The following COMMD5 variants were observed in gnomAD, a reference collection of about 807,000 sequenced individuals.
COMMD5 encodes the protein COMM domain containing 5.
In COMMD5, 10 loss-of-function variants were observed where a neutral mutation model predicts 6.9. That is an observed-to-expected ratio of 1.44 (90% CI 0.89 to 2.45). The LOEUF is 2.45. Ranked by LOEUF, COMMD5 falls within the 30% of genes most tolerant of loss-of-function variation. The probability of loss-of-function intolerance (pLI) is 0.00; values close to 1 mark genes in which losing one functional copy is unlikely to be tolerated. For missense variants in COMMD5, 234 were observed against 287.8 expected (o/e 0.81, Z 1.35); for synonymous variants, 127 against 125.3 (o/e 1.01, Z -0.09).
Position 144,851,198 on chromosome 8 carries a change from C to T in COMMD5, c.141G>A (p.Thr47=), listed in dbSNP as rs199767267. 59 of 1,613,902 alleles carry T rather than the reference C, an allele frequency of 3.7e-5. 1 individual carries two copies. The highest frequency in any genetic ancestry group is 3.5e-4 in the Admixed American group (21 of 60,032). Residue 47 remains threonine (T), a synonymous_variant, in exon 2 of 2, where the codon ACG becomes ACA. Coordinates refer to ENST00000305103, the MANE Select transcript of COMMD5 (RefSeq NM_014066.4). Reference sequence around the variant, plus strand: ...CCACAAACTTCAGCAACTTTCTGAACGTGCTCCTGTCTAGGTCCCCTAGTA... The same window carrying T: ...CCACAAACTTCAGCAACTTTCTGAATGTGCTCCTGTCTAGGTCCCCTAGTA... ...ARLLGDLDRS[T]FRKLLKFVVS...
intron 1 of COMMD5, chr8:144,841,904 A>C (rs1563841848): frequency 6.2e-7 from 1 of 1,614,036 alleles, no homozygotes; most frequent in Non-Finnish European, 8.5e-7. Flanking sequence ...TCGCAGCTTA[A>C]TCAGCATCAG....
At chr8:144,842,576 TC>T in intron 1 of COMMD5, 1 of 1,614,176 alleles carries the variant, frequency 6.2e-7, no homozygotes, top group Non-Finnish European at 8.5e-7. Context: ...CATCAGCGAA[TC>T]CACACTGGAG....
chr8:144,851,417 A>G, intron 1 of COMMD5, 22 bp from the exon 2 acceptor site: 1 of 1,475,504 alleles, frequency 6.8e-7, no homozygotes, highest in South Asian at 1.3e-5. Flanking sequence ...TGGAGGAGAG[A>G]AGACCAGTGA....
chr8:144,846,792 G>A (rs1830534083), downstream of COMMD5: 1 of 152,232 alleles, frequency 6.6e-6, no homozygotes, highest in African/African-American at 2.4e-5. Flanking sequence ...TCCGCCACCT[G>A]GGTTCACGCC....
chr8:144,848,163 T>C (rs1830596438), downstream of COMMD5, among the ~76,000 whole-genome samples: 1 of 150,914 alleles, frequency 6.6e-6, no homozygotes. Context: ...CTGGGCAACG[T>C]GGCAAAACCC....
exon 2 of COMMD5, chr8:144,841,284 C>T (rs1354113957): frequency 2.7e-5 from 40 of 1,476,920 alleles, no homozygotes; most frequent in Non-Finnish European, 3.4e-5. Flanking sequence ...AGCCCTGGCC[C>T]CCGCATTTGT....
downstream of COMMD5, chr8:144,838,964 C>CGCCT (rs1829467358): frequency 4.2e-5 from 6 of 143,048 alleles, no homozygotes; most frequent in African/African-American, 7.9e-5. Context: ...AAAAAAAAAG[C>CGCCT]AGGGGCTGTG....
rs1419587579 is a variant in COMMD5, at chr8:144,842,004, C to A, written c.*117-261G>T. On this transcript the variant is annotated intron_variant and NMD_transcript_variant, in intron 1 of 1. Transcript: ENST00000530332. Reference sequence around the variant, plus strand: ...CAAAACTTATTCAGCATCAAAGAATCCACACTGGGGAGAAGCCCTACAGAT... The same window carrying A: ...CAAAACTTATTCAGCATCAAAGAATACACACTGGGGAGAAGCCCTACAGAT... 3 of 1,614,174 alleles carry A rather than the reference C, an allele frequency of 1.9e-6. No individual in the cohort carries two copies. In the South Asian group the frequency reaches 3.3e-5, roughly 18 times the overall value.
At chr8:144,839,920 G>A (rs1829644283), downstream of COMMD5, among the ~76,000 whole-genome samples, 1 of 152,170 alleles carries the variant, frequency 6.6e-6, no homozygotes, top group Non-Finnish European at 1.5e-5. Context: ...GCTTGGCCCT[G>A]CTCTCTCTGC....
chr8:144,845,836 T>G, downstream of COMMD5: 1 of 764,454 alleles, frequency 1.3e-6, no homozygotes, highest in Non-Finnish European at 2.1e-6. Flanking sequence ...ACACCGGAAC[T>G]TCTGTGCACG....
intron 1 of COMMD5, chr8:144,843,423 C>A: frequency 3.0e-6 from 1 of 330,856 alleles, no homozygotes; most frequent in Admixed American, 4.6e-5. Context: ...CCCATCTCTA[C>A]TAAAAATACA....
rs1829856741 is a variant in COMMD5 at position 144,841,167 on chromosome 8, G to A, written c.*693C>T. 3.7e-5 allele frequency: 24 copies of A among 640,492 alleles called. No homozygotes were observed. The South Asian group carries it at 5.0e-4, about 13-fold the overall frequency. The allele number at this position is 640,492 out of a possible 1,614,324, so 39.7% of individuals were successfully genotyped here. A position where few individuals can be genotyped will look rare whatever the true frequency, so the allele number is the denominator to read the frequency against. On this transcript the variant is annotated 3_prime_UTR_variant and NMD_transcript_variant, in exon 2 of 2. Transcript: ENST00000530332. ...CATTGCTATCGAATGAGTGAACAAGGTAAAAAGTATGAAACCACTTTTGAG... is the reference window on the plus strand; with the variant it reads ...CATTGCTATCGAATGAGTGAACAAGATAAAAAGTATGAAACCACTTTTGAG...
At position 144,850,611 on chromosome 8, in the gene COMMD5, C is replaced by G. The variant is rs943115773; in HGVS notation, c.*53G>C. The G allele has an allele frequency of 7.0e-6, 11 of 1,564,986 alleles. No individual in the cohort carries two copies. The highest frequency in any genetic ancestry group is 9.6e-6 in the Non-Finnish European group (11 of 1,151,002). On this transcript the variant is annotated 3_prime_UTR_variant, in exon 2 of 2. Coordinates refer to ENST00000305103, the MANE Select transcript of COMMD5 (RefSeq NM_014066.4). This position sits in a 1 kb window ranked among gnomAD's most constrained non-coding sequence, Gnocchi z 4.0. ...GGAAGAGTCAGCTGCACTTTGGCACCATCTCAGGTGCCTGTCCAAGCCGGA... is the reference window on the plus strand; with the variant it reads ...GGAAGAGTCAGCTGCACTTTGGCACGATCTCAGGTGCCTGTCCAAGCCGGA...
At chr8:144,838,293 G>A (rs547145849), downstream of COMMD5, 9 of 584,500 alleles carry the variant, frequency 1.5e-5, no homozygotes, top group South Asian at 1.7e-4. Flanking sequence ...TAATTAATCT[G>A]CAACGACTGT....
At chr8:144,849,250 A>G (rs1330708061), downstream of COMMD5, among the ~76,000 whole-genome samples, 1 of 152,070 alleles carries the variant, frequency 6.6e-6, no homozygotes, top group African/African-American at 2.4e-5. Flanking sequence ...CAGTGGGGGG[A>G]CAGTGCCTTC....
downstream of COMMD5, chr8:144,838,746 TC>T (rs1829406371): frequency 6.6e-6 from 1 of 152,164 alleles, no homozygotes; most frequent in Admixed American, 6.6e-5. Flanking sequence ...ATCGAGACCA[TC>T]CTGGCCAACA....
rs755719400 is a variant in COMMD5, at chr8:144,851,144, T to G, written c.195A>C (p.Arg65=). The G allele has an allele frequency of 6.2e-7, 1 of 1,613,234 alleles. No individual in the cohort carries two copies. Among genetic ancestry groups the G allele is most frequent in the South Asian group, 1.1e-5 (1 of 91,082 alleles). The change falls in exon 2 of 2, where the codon CGA becomes CGC. Residue 65 remains arginine (R), a synonymous_variant. Transcript: ENST00000305103. ...TGACCCCAAGACGCTGCACAGCCTC[T>G]CGGCAGTCCTCCCCCTGCAGGCTGC... ...VVSSLQGEDC[R]EAVQRLGVSA...
chr8:144,843,473 A>G (rs113734360), intron 1 of COMMD5: 1 of 203,800 alleles, frequency 4.9e-6, no homozygotes, highest in Admixed American at 5.6e-5. Context: ...CTGTGGTCCC[A>G]GCTGCTCGGG....
chr8:144,845,288 G>C (rs903199945), downstream of COMMD5, among the ~76,000 whole-genome samples: 3 of 152,138 alleles, frequency 2.0e-5, no homozygotes, highest in South Asian at 6.2e-4. Context: ...CCATTCCCAT[G>C]ACGCAGAGGC....
Sources: gnomAD v4.1 joint callset for allele counts (sites outside exome capture counted in the v4.1 genomes callset) on GRCh38, gnomAD v4.1.1 for gene constraint, Gnocchi (gnomAD v3.1) non-coding constraint, MANE v1.5 for transcripts, NCBI Gene and HGNC (gene_info 2026-07-23, HGNC 2026-07-21) for gene names.